Variants in FAM13A observed in about 807,000 individuals in gnomAD.
FAM13A encodes the protein family with sequence similarity 13 member A.
A neutral mutation model predicts 129.6 loss-of-function variants in FAM13A; 76 were observed. That is an observed-to-expected ratio of 0.59 (90% confidence interval 0.49 to 0.71). The LOEUF (loss-of-function observed/expected upper bound fraction) is 0.71. Ranked by LOEUF, FAM13A falls within the 30% of genes least tolerant of loss-of-function variation. The pLI is 0.00. For synonymous variants in FAM13A, 443 were observed against 449.9 expected (o/e 0.98, Z 0.20); for missense variants, 1,108 against 1,249.3 (o/e 0.89, Z 1.70).
At chr4:88,789,723 T>C (rs1724734182) in intron 9 of FAM13A, among the ~76,000 whole-genome samples, 1 of 152,164 alleles carries the variant, frequency 6.6e-6, no homozygotes, top group Non-Finnish European at 1.5e-5. Context: ...CCAATAGTAA[T>C]AAGTTCTCTA....
chr4:88,837,061 C>G (rs1374300506), intron 7 of FAM13A, among the ~76,000 whole-genome samples: 1 of 151,878 alleles, frequency 6.6e-6, no homozygotes, highest in Non-Finnish European at 1.5e-5. Context: ...ATGGCACGAT[C>G]TCCACTCACC....
intron 8 of FAM13A, among the ~76,000 whole-genome samples, chr4:88,791,234 T>G (rs1725074323): frequency 6.6e-6 from 1 of 152,212 alleles, no homozygotes; most frequent in Non-Finnish European, 1.5e-5. Context: ...TGTGTCAGCT[T>G]AACATCTAAT....
intron 3 of FAM13A, among the ~76,000 whole-genome samples, chr4:89,013,529 T>G (rs1172717589): frequency 6.6e-6 from 1 of 152,108 alleles, no homozygotes; most frequent in East Asian, 1.9e-4. Context: ...TTTTGGTCAC[T>G]GAGGGACTAC....
intron 1 of FAM13A, among the ~76,000 whole-genome samples, chr4:89,039,137 G>A (rs889038869): frequency 2.0e-5 from 3 of 152,050 alleles, no homozygotes; most frequent in African/African-American, 7.2e-5. Context: ...AAATACAAAA[G>A]CTAGAAGAAA....
At chr4:88,853,081 A>G (rs1165431631) in intron 6 of FAM13A, among the ~76,000 whole-genome samples, 2 of 152,172 alleles carry the variant, frequency 1.3e-5, no homozygotes, top group Non-Finnish European at 2.9e-5. Context: ...AAATCTGGTG[A>G]CTGACAATTA....
chr4:88,923,941 C>T (rs1751629724), intron 5 of FAM13A, among the ~76,000 whole-genome samples: 1 of 152,130 alleles, frequency 6.6e-6, no homozygotes, highest in Non-Finnish European at 1.5e-5. Flanking sequence ...CATGAGTGAA[C>T]TCCCATTCAC....
chr4:88,766,143 T>G (rs537061472), intron 13 of FAM13A, among the ~76,000 whole-genome samples: 86 of 152,358 alleles, frequency 5.6e-4, no homozygotes, highest in African/African-American at 1.8e-3. Context: ...AGGAAAGAAC[T>G]GAGGAGACCT....
At chr4:89,007,940 C>T (rs1560771712) in intron 3 of FAM13A, among the ~76,000 whole-genome samples, 1 of 152,200 alleles carries the variant, frequency 6.6e-6, no homozygotes, top group African/African-American at 2.4e-5. Flanking sequence ...GTCACTCGAA[C>T]AAGTATATTC....
chr4:88,881,682 G>A (rs1037995882), intron 6 of FAM13A, among the ~76,000 whole-genome samples: 5 of 152,044 alleles, frequency 3.3e-5, no homozygotes, highest in African/African-American at 1.2e-4. Context: ...AGCTAATCAA[G>A]GAGGCACTAC....
chr4:88,837,282 A>C (rs924656900), intron 7 of FAM13A, among the ~76,000 whole-genome samples: 12 of 151,812 alleles, frequency 7.9e-5, no homozygotes, highest in Non-Finnish European at 1.6e-4. Flanking sequence ...AGTGTGAGCC[A>C]CTGCGCCTGA....
At chr4:88,972,184 A>C (rs1760188385) in intron 4 of FAM13A, among the ~76,000 whole-genome samples, 1 of 151,850 alleles carries the variant, frequency 6.6e-6, no homozygotes, top group African/African-American at 2.4e-5. Flanking sequence ...CAAGTTTCTG[A>C]CTTACACCAT....
At chr4:88,750,027 A>T (rs1420936870) in intron 15 of FAM13A, 118 bp from the exon 16 acceptor site, 1 of 951,916 alleles carries the variant, frequency 1.1e-6, no homozygotes, top group Non-Finnish European at 1.6e-6. Context: ...CAGTGCGGAG[A>T]CAAAACAGCC....
chr4:88,850,973 A>G (rs1229327483), intron 7 of FAM13A, 47 bp downstream of exon 7: 8 of 1,580,088 alleles, frequency 5.1e-6, no homozygotes. Context: ...TAAACATAAG[A>G]GCGAATAATG....
chr4:88,804,856 A>AG (rs1325006499), intron 8 of FAM13A, among the ~76,000 whole-genome samples, 155 bp downstream of exon 8: 1 of 152,166 alleles, frequency 6.6e-6, no homozygotes, highest in African/African-American at 2.4e-5. Flanking sequence ...CTTGAACCAA[A>AG]GGGGAAAATA....
Position 88,991,155 on chromosome 4 carries a change from A to C in FAM13A, c.428-5T>G. On this transcript the variant is annotated splice_polypyrimidine_tract_variant and splice_region_variant and intron_variant, in intron 3 of 23. Coordinates refer to ENST00000264344, the MANE Select transcript of FAM13A (RefSeq NM_014883.4). ...CCTGAACATCATTTCTGCCATCTGG[A>C]AAAAAAAAGAATAAAAATGTTCTAA... 6.3e-7 allele frequency: 1 copy of C among 1,576,042 alleles called. No individual in the cohort carries two copies. The highest frequency in any genetic ancestry group is 8.7e-7 in the Non-Finnish European group (1 of 1,153,672).
chr4:88,909,777 A>G lies in FAM13A; in HGVS notation c.760-3315T>C, dbSNP rs150718211. 2.1e-4 allele frequency among the ~76,000 whole-genome samples: 32 copies of G among 152,182 alleles called. No homozygotes were observed. In the East Asian group the frequency reaches 6.0e-3, roughly 28 times the overall value. ...TGGGATTACAGAAGTGAGCCACCGT[A>G]CCCAGCTGAGGTTTCTTTTTAGGGT... On this transcript the variant is annotated intron_variant, in intron 5 of 23. Coordinates refer to ENST00000264344, the MANE Select transcript of FAM13A (RefSeq NM_014883.4).
intron 1 of FAM13A, among the ~76,000 whole-genome samples, chr4:89,051,803 A>G (rs1475516536): frequency 6.6e-6 from 1 of 152,218 alleles, no homozygotes; most frequent in African/African-American, 2.4e-5. Flanking sequence ...AAAAAAATCC[A>G]AAACCCAATG....
chr4:88,804,263 A>G lies in FAM13A; in HGVS notation c.1049+748T>C, dbSNP rs116285149. Among the ~76,000 whole-genome samples, 797 of 152,282 alleles carry G rather than the reference A, an allele frequency of 5.2e-3. 8 individuals carry two copies. Among genetic ancestry groups the G allele is most frequent in the African/African-American group, 0.018 (766 of 41,572 alleles). The stretch of plus-strand genomic sequence containing the variant: ...GTGAGATTCCGTCAAAAATAAATAA[A>G]TAAATAAAATAAAATAAATAAAAAG... On this transcript the variant is annotated intron_variant, in intron 8 of 23. Transcript: ENST00000264344.
intron 7 of FAM13A, among the ~76,000 whole-genome samples, chr4:88,815,489 T>C (rs1730553490): frequency 6.6e-6 from 1 of 152,212 alleles, no homozygotes; most frequent in Non-Finnish European, 1.5e-5. Context: ...CTATACTTGA[T>C]ATCAGAAGTC....
Sources: gnomAD v4.1 joint callset for allele counts (sites outside exome capture counted in the v4.1 genomes callset) on GRCh38, gnomAD v4.1.1 for gene constraint, MANE v1.5 for transcripts, NCBI Gene and HGNC (gene_info 2026-07-23, HGNC 2026-07-21) for gene names.